Variants in AKAP13 observed in about 807,000 individuals in gnomAD.
The protein encoded by AKAP13 is A-kinase anchor protein 13.
AKAP13 carries 80 observed loss-of-function variants against 264.5 expected under a neutral mutation model. That is an observed-to-expected ratio of 0.30 (90% CI 0.25 to 0.36). AKAP13 has a LOEUF of 0.36. Among genes scored for constraint, AKAP13 ranks in the 10% least tolerant of loss-of-function variants. The probability of loss-of-function intolerance (pLI) is 1.00; values close to 1 mark genes in which losing one functional copy is unlikely to be tolerated. For synonymous variants in AKAP13, 1,380 were observed against 1,250.2 expected (o/e 1.10, Z -2.19); for missense variants, 3,712 against 3,435.2 (o/e 1.08, Z -2.01).
intron 1 of AKAP13, among the ~76,000 whole-genome samples, chr15:85,454,880 G>T (rs12903996): frequency 0.25 from 38,071 of 152,100 alleles, 6,340 homozygotes; most frequent in Middle Eastern, 0.37. Context: ...CAGGCAGCAA[G>T]AAATTGATCC....
intron 1 of AKAP13, among the ~76,000 whole-genome samples, chr15:85,472,424 G>A (rs1446985304): frequency 1.3e-5 from 2 of 151,606 alleles, no homozygotes; most frequent in Non-Finnish European, 2.9e-5. Context: ...TATAACACTC[G>A]TTCTGGATTT....
intron 1 of AKAP13, among the ~76,000 whole-genome samples, chr15:85,452,689 G>C (rs976878061): frequency 6.6e-6 from 1 of 152,126 alleles, no homozygotes; most frequent in Admixed American, 6.5e-5. Context: ...GTGGCTCTTA[G>C]GCTTATTGGA....
intron 8 of AKAP13, chr15:85,619,671 T>G (rs914334383): frequency 1.7e-5 from 17 of 989,592 alleles, no homozygotes; most frequent in Middle Eastern, 5.2e-4. Context: ...TTTTATTGCC[T>G]TCTTGGGTTT....
At chr15:85,573,546 A>AAAATAAATAAATAAATAAATAAATAAAT (rs141173816) in intron 5 of AKAP13, among the ~76,000 whole-genome samples, 48 of 145,882 alleles carry the variant, frequency 3.3e-4, no homozygotes, top group African/African-American at 1.2e-3. Context: ...CTCTGTCTCA[A>AAAATAAATAAATAAATAAATAAATAAAT]AAATAAATAA....
At chr15:85,676,864 C>T (rs746345707) in intron 14 of AKAP13, 8 of 829,096 alleles carry the variant, frequency 9.6e-6, no homozygotes, top group Non-Finnish European at 1.2e-5. Flanking sequence ...TTCACCTAGA[C>T]AGCATTTCCC....
At chr15:85,471,327 C>G (rs939180170) in intron 1 of AKAP13, among the ~76,000 whole-genome samples, 1 of 152,080 alleles carries the variant, frequency 6.6e-6, no homozygotes, top group Non-Finnish European at 1.5e-5. Flanking sequence ...AACCCTGTCT[C>G]TACTAAAAAT....
chr15:85,601,860 T>C (rs2080094518), intron 8 of AKAP13, among the ~76,000 whole-genome samples: 1 of 148,662 alleles, frequency 6.7e-6, no homozygotes, highest in Non-Finnish European at 1.5e-5. Context: ...TAATCATTAT[T>C]AAAATTATAT....
intron 5 of AKAP13, among the ~76,000 whole-genome samples, chr15:85,573,436 C>T (rs1473093369): frequency 6.6e-6 from 1 of 152,040 alleles, no homozygotes; most frequent in African/African-American, 2.4e-5. Flanking sequence ...ATCACAGCTA[C>T]TCAGGAGGCT....
In AKAP13 at chr15:85,671,457, A is replaced by AG. The variant is rs1334849297; in HGVS notation, c.5101+1627_5101+1628insG. On this transcript the variant is annotated intron_variant, in intron 14 of 36. Coordinates refer to ENST00000394518, the MANE Select transcript of AKAP13 (RefSeq NM_007200.5). ...TCAAAAAAAAAAAAAAAAAAAAAAA[A>AG]AGAGAGAGAGAGAAAGACATAATGG... Among the ~76,000 whole-genome samples the AG allele has an allele frequency of 7.7e-4, 99 of 128,990 alleles. 1 individual carries two copies. The highest frequency in any genetic ancestry group is 2.7e-3 in the African/African-American group (90 of 33,184). The allele number at this position is 128,990 out of a possible 152,430, so 84.6% of individuals were successfully genotyped here. A position where few individuals can be genotyped will look rare whatever the true frequency, so the allele number is the denominator to read the frequency against.
chr15:85,508,852 GCTTT>G (rs151061530), intron 2 of AKAP13, among the ~76,000 whole-genome samples: 2,604 of 152,168 alleles, frequency 0.017, 89 homozygotes, highest in African/African-American at 0.06. Context: ...TGCCTTGACT[GCTTT>G]CTTTATCTTC....
intron 31 of AKAP13, 98 bp downstream of exon 31, chr15:85,735,248 A>G (rs16943741): frequency 0.52 from 765,800 of 1,470,338 alleles, 201,115 homozygotes; most frequent in Admixed American, 0.6. Flanking sequence ...ACCGCTCCCA[A>G]TCAGCAAATT....
rs951860414 is a variant in AKAP13, at chr15:85,660,423, C to G, written c.4799+1833C>G. ...CTATCTCCCTATTGTTTTTCACTCT[C>G]TTCGTGTTAAATCTCCTCACAGTCT... On this transcript the variant is annotated intron_variant, in intron 12 of 36. Coordinates refer to ENST00000394518, the MANE Select transcript of AKAP13 (RefSeq NM_007200.5). Among the ~76,000 whole-genome samples, 28 of 143,786 alleles carry G rather than the reference C, an allele frequency of 1.9e-4. 1 individual carries two copies. The highest frequency in any genetic ancestry group is 3.7e-3 in the Middle Eastern group (1 of 272). The allele number at this position is 143,786 out of a possible 152,430, so 94.3% of individuals were successfully genotyped here.
At chr15:85,492,128 A>G (rs932827366) in intron 2 of AKAP13, among the ~76,000 whole-genome samples, 2 of 152,240 alleles carry the variant, frequency 1.3e-5, no homozygotes, top group African/African-American at 2.4e-5. Flanking sequence ...ACTTAATATT[A>G]TAGAGACTTG....
In AKAP13 at chr15:85,581,969, A is replaced by G. The variant is rs1384694457; in HGVS notation, c.3901A>G (p.Ser1301Gly). The change falls in exon 7 of 37, where the codon AGT becomes GGT. Residue 1301 changes from serine (S) to glycine (G), a missense_variant. Around this residue, in one of 3 missense-constraint regions of AKAP13, gnomAD observed 2,759 missense variants for 2,411.7 expected, o/e 1.14. Transcript: ENST00000394518. ...AGAGAGTGCTTTTACAGAAAAAGTG[A>G]GTACTTTCCCACCTGGGGAGAGCCT... ...GLESAFTEKV[S>G]TFPPGESLPM... is the part of the protein sequence containing the mutation. 2 of 1,614,142 alleles carry G rather than the reference A, an allele frequency of 1.2e-6. No homozygotes were observed. The highest frequency in any genetic ancestry group is 1.7e-6 in the Non-Finnish European group (2 of 1,180,020).
At chr15:85,452,460 T>C (rs944172516) in intron 1 of AKAP13, among the ~76,000 whole-genome samples, 1 of 152,222 alleles carries the variant, frequency 6.6e-6, no homozygotes, top group Non-Finnish European at 1.5e-5. Context: ...TTTGAGTTAC[T>C]AGAGTTCTTG....
intron 1 of AKAP13, among the ~76,000 whole-genome samples, chr15:85,429,371 A>G (rs1000492470): frequency 6.6e-6 from 1 of 152,274 alleles, no homozygotes; most frequent in African/African-American, 2.4e-5. Flanking sequence ...AGAGTCAGAG[A>G]GAGGCCTGAC....
At position 85,730,500 on chromosome 15, in the gene AKAP13, C is replaced by T. The variant is rs1406070162; in HGVS notation, c.7088-13C>T. On this transcript the variant is annotated splice_polypyrimidine_tract_variant and intron_variant, in intron 29 of 36. Transcript: ENST00000394518. ...CACCAATCAAATCACAGATCATTTT[C>T]TCCTTCCTGCAGAACAACTTCACCA... The T allele has an allele frequency of 1.9e-6, 3 of 1,611,258 alleles. No homozygotes were observed. The African/African-American group carries it at 4.0e-5, about 22-fold the overall frequency.
At chr15:85,675,307 A>C (rs1362259010) in intron 14 of AKAP13, among the ~76,000 whole-genome samples, 1 of 152,230 alleles carries the variant, frequency 6.6e-6, no homozygotes, top group Non-Finnish European at 1.5e-5. Flanking sequence ...CTGAGAAACT[A>C]GTGTGTATTT....
chr15:85,382,387 T>G (rs2070328093), intron 1 of AKAP13, among the ~76,000 whole-genome samples: 1 of 152,160 alleles, frequency 6.6e-6, no homozygotes, highest in South Asian at 2.1e-4. Flanking sequence ...AAAGACAAAT[T>G]TTCTTCAGGT....
Sources: gnomAD v4.1 joint callset for allele counts (sites outside exome capture counted in the v4.1 genomes callset) on GRCh38, gnomAD v4.1.1 for gene constraint, gnomAD v4.1.1 regional missense constraint, MANE v1.5 for transcripts, NCBI Gene and HGNC (gene_info 2026-07-23, HGNC 2026-07-21) for gene names.